Variants in ZBED6 observed in about 807,000 individuals in gnomAD.
ZBED6 encodes zinc finger BED-type containing 6.
Under a neutral mutation model 58.4 loss-of-function variants are expected in ZBED6, and 40 were observed. The ratio of observed to expected loss-of-function variants is 0.68; its 90% confidence interval spans 0.53 to 0.89. The LOEUF (loss-of-function observed/expected upper bound fraction) is 0.89, where lower values mean the gene tolerates loss of function less well. Among genes scored for constraint, ZBED6 ranks in the 40% least tolerant of loss-of-function variants. The pLI, the probability that ZBED6 is intolerant of heterozygous loss-of-function variation, is 0.00. For missense variants in ZBED6, 1,057 were observed against 1,003.9 expected (o/e 1.05, Z -0.71); for synonymous variants, 439 against 350.6 (o/e 1.25, Z -2.82).
chr1:203,820,078 T>C (rs2102843400), intron 3 of ZBED6, among the ~76,000 whole-genome samples: 2 of 151,516 alleles, frequency 1.3e-5, no homozygotes, highest in South Asian at 2.1e-4. Context: ...CTACTAAAAA[T>C]ATAAAAATTA....
intron 11 of ZBED6, among the ~76,000 whole-genome samples, chr1:203,846,169 G>C (rs1020563611): frequency 2.6e-4 from 38 of 145,014 alleles, no homozygotes; most frequent in Non-Finnish European, 5.3e-4. Flanking sequence ...TTGGGGGGGG[G>C]GTTCATTAAA....
chr1:203,846,860 C>G (rs780891134), intron 11 of ZBED6, among the ~76,000 whole-genome samples: 31 of 151,874 alleles, frequency 2.0e-4, no homozygotes, highest in Non-Finnish European at 4.3e-4. Flanking sequence ...AACAATTAGC[C>G]GGGCTTGGTG....
Position 203,802,004 on chromosome 1 carries a change from G to C in ZBED6, c.*1542G>C, listed in dbSNP as rs72745764. On this transcript the variant is annotated 3_prime_UTR_variant, in exon 1 of 17. Transcript: ENST00000550078. ...AGCCTTTCCAGGGCCACTATTTAATGGCAAACCAGTGATACTGGTGTTGAT... is the reference window on the plus strand; with the variant it reads ...AGCCTTTCCAGGGCCACTATTTAATCGCAAACCAGTGATACTGGTGTTGAT... The C allele has an allele frequency of 9.5e-3, 1,452 of 152,604 alleles. 13 individuals carry two copies. Among genetic ancestry groups the C allele is most frequent in the Non-Finnish European group, 0.016 (1,098 of 67,988 alleles). The allele number at this position is 152,604 out of a possible 1,614,324, so 9.5% of individuals were successfully genotyped here. A position where few individuals can be genotyped will look rare whatever the true frequency, so the allele number is the denominator to read the frequency against.
At chr1:203,812,578 A>ATTT (rs386369376) in intron 1 of ZBED6, among the ~76,000 whole-genome samples, 3,023 of 109,250 alleles carry the variant, frequency 0.028, 82 homozygotes, top group Non-Finnish European at 0.034. Context: ...GCCATTCTAA[A>ATTT]TTTTTTTTTT....
chr1:203,841,727 C>T (rs1686284464), intron 11 of ZBED6, among the ~76,000 whole-genome samples: 1 of 151,588 alleles, frequency 6.6e-6, no homozygotes, highest in Non-Finnish European at 1.5e-5. Flanking sequence ...CCAGATAGGG[C>T]GGCCGGGCAG....
chr1:203,832,288 C>T (rs967486670), intron 8 of ZBED6, among the ~76,000 whole-genome samples: 1 of 151,472 alleles, frequency 6.6e-6, no homozygotes, highest in African/African-American at 2.4e-5. Context: ...CTCAAACTCC[C>T]GACCTCAGGT....
At chr1:203,829,990 A>G (rs1284718761) in intron 6 of ZBED6, 94 bp downstream of exon 6, 6 of 1,364,816 alleles carry the variant, frequency 4.4e-6, no homozygotes, top group Non-Finnish European at 4.2e-6. Context: ...TCTTTTTCCC[A>G]TGCTACACGC....
In ZBED6 at chr1:203,819,067, CA is replaced by C. The variant is rs747588582; in HGVS notation, c.*2873+389del. Reference sequence around the variant, plus strand: ...CTGGTGACAGAGCAACACTCCGTCTCAAAAAAAAAAATATATATATATACAC... The same window carrying C: ...CTGGTGACAGAGCAACACTCCGTCTCAAAAAAAAAATATATATATATACAC... On this transcript the variant is annotated intron_variant, in intron 3 of 16. Coordinates refer to ENST00000550078, the Ensembl canonical transcript of ZBED6. Among the ~76,000 whole-genome samples, 238 of 97,206 alleles carry C rather than the reference CA, an allele frequency of 2.4e-3. 1 individual carries two copies. The highest frequency in any genetic ancestry group is 3.6e-3 in the Non-Finnish European group (157 of 43,892). 63.8% of individuals were successfully genotyped at this position (97,206 alleles called of 152,430 possible). A position where few individuals can be genotyped will look rare whatever the true frequency, so the allele number is the denominator to read the frequency against.
chr1:203,822,236 A>G lies in ZBED6; in HGVS notation c.*2873+3547A>G, dbSNP rs567863848. ...ATACTTTTATTTATTTGATCAGTCT[A>G]CTAGTATAAAAACCAATATTGTGTC... On this transcript the variant is annotated intron_variant, in intron 3 of 16. Transcript: ENST00000550078. Among the ~76,000 whole-genome samples, 6 of 152,180 alleles carry G rather than the reference A, an allele frequency of 3.9e-5. 1 individual carries two copies. Among genetic ancestry groups the G allele is most frequent in the African/African-American group, 1.4e-4 (6 of 41,498 alleles).
At chr1:203,846,772 C>A (rs1572354035) in intron 11 of ZBED6, among the ~76,000 whole-genome samples, 2 of 152,124 alleles carry the variant, frequency 1.3e-5, no homozygotes, top group African/African-American at 4.8e-5. Context: ...AATAGAAATA[C>A]AAATCAATTT....
At chr1:203,829,056 G>A (rs1377629168) in intron 4 of ZBED6, among the ~76,000 whole-genome samples, 2 of 152,080 alleles carry the variant, frequency 1.3e-5, no homozygotes. Context: ...TCAATTTAAG[G>A]GAAAAAAGTA....
exon 1 of ZBED6, chr1:203,798,608 C>T (rs1295182325): frequency 2.0e-6 from 3 of 1,536,090 alleles, no homozygotes; most frequent in Non-Finnish European, 2.6e-6. Context: ...CAGCTGAGGA[C>T]CTTAGTGACT....
In ZBED6 at chr1:203,796,686, T is replaced by TATGTACAA. The variant is rs1236816483; in HGVS notation, c.-837_-836insATGTACAA. The TATGTACAA allele has an allele frequency of 2.6e-6, 1 of 378,912 alleles. No homozygotes were observed. Among genetic ancestry groups the TATGTACAA allele is most frequent in the Non-Finnish European group, 4.7e-6 (1 of 214,244 alleles). 23.5% of individuals were successfully genotyped at this position (378,912 alleles called of 1,614,324 possible). A position where few individuals can be genotyped will look rare whatever the true frequency, so the allele number is the denominator to read the frequency against. Reference sequence around the variant, plus strand: ...AAAGTTCATATTTCACTTTTTGCTATCTCTATAGCGTACAACTTGTGAGTT... The same window carrying TATGTACAA: ...AAAGTTCATATTTCACTTTTTGCTATATGTACAACTCTATAGCGTACAACTTGTGAGTT... On this transcript the variant is annotated 5_prime_UTR_variant, in exon 1 of 17. In the 5' UTR this introduces an upstream ATG that the reference lacks. Coordinates refer to ENST00000550078, the Ensembl canonical transcript of ZBED6.
intron 12 of ZBED6, 27 bp downstream of exon 12, chr1:203,847,714 C>T (rs781270783): frequency 6.3e-7 from 1 of 1,598,156 alleles, no homozygotes; most frequent in South Asian, 1.1e-5. Flanking sequence ...GTCTCTAGTA[C>T]CACGTCCCCA....
intron 14 of ZBED6, 107 bp downstream of exon 14, chr1:203,850,133 C>A: frequency 1.1e-6 from 1 of 938,486 alleles, no homozygotes; most frequent in Non-Finnish European, 1.6e-6. Context: ...TTTCATTTGC[C>A]TTCTATCCAC....
chr1:203,834,074 G>A (rs1479573818), intron 9 of ZBED6: 1 of 1,205,938 alleles, frequency 8.3e-7, no homozygotes, highest in African/African-American at 1.6e-5. Context: ...CATGACCAGC[G>A]TTTTGGAAGG....
chr1:203,797,661 A>T, exon 1 of ZBED6: 1 of 1,536,104 alleles, frequency 6.5e-7, no homozygotes, highest in African/African-American at 1.4e-5. Context: ...AGAGGAAAAG[A>T]TGGTAGCAGA....
intron 7 of ZBED6, among the ~76,000 whole-genome samples, chr1:203,831,341 T>C (rs1682297515): frequency 6.6e-6 from 1 of 152,208 alleles, no homozygotes; most frequent in African/African-American, 2.4e-5. Flanking sequence ...TTGATACACC[T>C]GATGGCTAGT....
At chr1:203,821,931 G>T (rs1043745094) in intron 3 of ZBED6, among the ~76,000 whole-genome samples, 1 of 151,892 alleles carries the variant, frequency 6.6e-6, no homozygotes, top group Non-Finnish European at 1.5e-5. Context: ...CTAATTTTTT[G>T]TACTTTTAGT....
Sources: gnomAD v4.1 joint callset for allele counts (sites outside exome capture counted in the v4.1 genomes callset) on GRCh38, gnomAD v4.1.1 for gene constraint, MANE v1.5 for transcripts, NCBI Gene and HGNC (gene_info 2026-07-23, HGNC 2026-07-21) for gene names.